ARHGEF3: variants seen among roughly 807,000 people sequenced by gnomAD.
The protein encoded by ARHGEF3 is 59.8 kDA protein.
Under a neutral mutation model 63.2 loss-of-function variants are expected in ARHGEF3, and 28 were observed. The observed-to-expected ratio is 0.44, with a 90% CI of 0.33 to 0.61. The LOEUF is 0.61. Among genes scored for constraint, ARHGEF3 ranks in the 20% least tolerant of loss-of-function variants. The probability of loss-of-function intolerance (pLI) is 0.03; values close to 1 mark genes in which losing one functional copy is unlikely to be tolerated. For missense variants in ARHGEF3, 533 were observed against 659.3 expected, an observed-to-expected ratio of 0.81 and a Z score of 2.10; for synonymous variants, 266 against 254.2, an observed-to-expected ratio of 1.05 and a Z score of -0.44.
chr3:57,077,743 C>T (rs1011625867), intron 1 of ARHGEF3, among the ~76,000 whole-genome samples: 3 of 152,130 alleles, frequency 2.0e-5, no homozygotes, highest in African/African-American at 7.2e-5. Flanking sequence ...AACCAAGAGG[C>T]AAACATTCAA....
At chr3:56,945,296 G>C (rs1423003856) in intron 3 of ARHGEF3, among the ~76,000 whole-genome samples, 2 of 152,156 alleles carry the variant, frequency 1.3e-5, no homozygotes, top group Non-Finnish European at 2.9e-5. Flanking sequence ...AGTTCACCGA[G>C]CGTGAGCCGA....
chr3:56,895,501 C>T (rs2041272895), intron 3 of ARHGEF3, among the ~76,000 whole-genome samples: 1 of 151,260 alleles, frequency 6.6e-6, no homozygotes, highest in African/African-American at 2.4e-5. Flanking sequence ...TCTTGTTCTG[C>T]CACCCAGGTT....
In ARHGEF3 at chr3:56,933,326, C is replaced by T. The variant is rs1168108909; in HGVS notation, c.129+25497G>A. Among the ~76,000 whole-genome samples the T allele has an allele frequency of 2.0e-5, 3 of 151,998 alleles. No homozygotes were observed. In the East Asian group the frequency reaches 5.8e-4, roughly 29 times the overall value. ...CACATTTACACAAAGAGCAAATGGT[C>T]CAGACTCAGTCTTCCATAACCTAGA... On this transcript the variant is annotated intron_variant, in intron 3 of 12. Transcript: ENST00000338458.
chr3:57,073,494 C>A, intron 1 of ARHGEF3: 3 of 759,946 alleles, frequency 3.9e-6, no homozygotes, highest in Non-Finnish European at 6.0e-6. Context: ...CATGGGAAAA[C>A]CTCTGCAGTA....
intron 2 of ARHGEF3, among the ~76,000 whole-genome samples, chr3:57,000,655 C>A (rs1159694538): frequency 6.6e-6 from 1 of 152,096 alleles, no homozygotes; most frequent in African/African-American, 2.4e-5. Context: ...GCCTCAGGCT[C>A]CAGAGTAGCT....
intron 4 of ARHGEF3, among the ~76,000 whole-genome samples, chr3:56,874,227 C>A (rs1001933721): frequency 2.6e-5 from 4 of 152,128 alleles, no homozygotes; most frequent in Non-Finnish European, 5.9e-5. Flanking sequence ...CAAAAATAGA[C>A]CATAAACCCA....
intron 3 of ARHGEF3, among the ~76,000 whole-genome samples, chr3:56,953,231 G>GACTCTGTCTCA (rs1156347875): frequency 6.6e-6 from 1 of 152,236 alleles, no homozygotes; most frequent in Non-Finnish European, 1.5e-5. Context: ...TGTGTTGTGA[G>GACTCTGTCTCA]CATTAGAGAC....
intron 3 of ARHGEF3, among the ~76,000 whole-genome samples, chr3:56,902,682 C>T (rs1439453219): frequency 6.6e-6 from 1 of 152,336 alleles, no homozygotes; most frequent in Non-Finnish European, 1.5e-5. Context: ...ACCCTGTGTG[C>T]CTGCCCAGGT....
chr3:57,054,525 C>T (rs900383053), intron 1 of ARHGEF3, among the ~76,000 whole-genome samples: 2 of 150,676 alleles, frequency 1.3e-5, no homozygotes, highest in East Asian at 2.0e-4. Flanking sequence ...GTGGTACCAG[C>T]GACTCGGGAG....
At chr3:57,028,800 C>T (rs6769806) in intron 2 of ARHGEF3, among the ~76,000 whole-genome samples, 2 of 151,492 alleles carry the variant, frequency 1.3e-5, no homozygotes, top group African/African-American at 4.9e-5. Flanking sequence ...TGTTTGGAGC[C>T]AATGTATATA....
chr3:56,791,651 C>A (rs1433446470), intron 1 of ARHGEF3, among the ~76,000 whole-genome samples: 1 of 152,124 alleles, frequency 6.6e-6, no homozygotes, highest in African/African-American at 2.4e-5. Flanking sequence ...TTATCACCTA[C>A]CCAGAACCAT....
intron 1 of ARHGEF3, among the ~76,000 whole-genome samples, chr3:57,050,334 C>T (rs1704620139): frequency 6.6e-6 from 1 of 152,246 alleles, no homozygotes; most frequent in South Asian, 2.1e-4. Context: ...CCCCTAAATG[C>T]TGTTCTTCTC....
chr3:56,800,858 C>T (rs62249768), intron 1 of ARHGEF3, among the ~76,000 whole-genome samples: 140 of 152,338 alleles, frequency 9.2e-4, no homozygotes, highest in Non-Finnish European at 1.5e-3. Flanking sequence ...CTAGCGAAAG[C>T]GACTGTATTC....
At chr3:57,072,506 C>T (rs375546707) in intron 1 of ARHGEF3, among the ~76,000 whole-genome samples, 20 of 151,354 alleles carry the variant, frequency 1.3e-4, no homozygotes, top group East Asian at 3.9e-4. Flanking sequence ...TTCAGGAGGC[C>T]GAGGTGGGAG....
At chr3:56,971,287 C>T (rs968977211) in intron 2 of ARHGEF3, among the ~76,000 whole-genome samples, 3 of 152,130 alleles carry the variant, frequency 2.0e-5, no homozygotes, top group African/African-American at 7.2e-5. Context: ...TCTAAGCGCC[C>T]GGCAGGGACC....
At chr3:56,956,228 T>G (rs75903185) in intron 3 of ARHGEF3, among the ~76,000 whole-genome samples, 98,741 of 151,320 alleles carry the variant, frequency 0.65, 33,168 homozygotes, top group Middle Eastern at 0.76. Flanking sequence ...TTTTTTTTTT[T>G]TTTGTTTGTT....
At chr3:56,985,336 G>A (rs1026377085) in intron 2 of ARHGEF3, among the ~76,000 whole-genome samples, 5 of 152,358 alleles carry the variant, frequency 3.3e-5, no homozygotes, top group South Asian at 2.1e-4. Context: ...CGATCTGCCC[G>A]CCTCGGCCTC....
At chr3:57,019,117 C>T (rs558498096) in intron 2 of ARHGEF3, among the ~76,000 whole-genome samples, 28 of 152,312 alleles carry the variant, frequency 1.8e-4, no homozygotes, top group East Asian at 7.7e-4. Context: ...ATCCTCCTGG[C>T]CTCCAGCCTA....
At chr3:56,760,957 T>C (rs980726788) in intron 2 of ARHGEF3, among the ~76,000 whole-genome samples, 1 of 152,068 alleles carries the variant, frequency 6.6e-6, no homozygotes, top group African/African-American at 2.4e-5. Context: ...GAAAGAAGAA[T>C]CCCAAGGGAG....
Sources: gnomAD v4.1 joint callset for allele counts (sites outside exome capture counted in the v4.1 genomes callset) on GRCh38, gnomAD v4.1.1 for gene constraint, MANE v1.5 for transcripts, NCBI Gene and HGNC (gene_info 2026-07-23, HGNC 2026-07-21) for gene names.